VSTM1: variants seen among roughly 807,000 people sequenced by gnomAD.
VSTM1 encodes V-set and transmembrane domain containing 1.
In VSTM1, 27 loss-of-function variants were observed where a neutral mutation model predicts 33.1. The ratio of observed to expected loss-of-function variants is 0.82; its 90% CI spans 0.60 to 1.12. The LOEUF is 1.12. Among genes scored for constraint, VSTM1 ranks in the 50% most tolerant of loss-of-function variants. The probability of loss-of-function intolerance (pLI) is 0.00; values close to 1 mark genes in which losing one functional copy is unlikely to be tolerated. For synonymous variants in VSTM1, 115 were observed against 110.3 expected (o/e 1.04, Z -0.27); for missense variants, 304 against 288.9 (o/e 1.05, Z -0.38).
chr19:54,045,612 T>G (rs2070537608), intron 4 of VSTM1, among the ~76,000 whole-genome samples: 1 of 115,314 alleles, frequency 8.7e-6, no homozygotes, highest in African/African-American at 3.5e-5. Flanking sequence ...CATAACCAGT[T>G]ATCTATCATC....
In VSTM1 at chr19:54,058,413, A is replaced by C; in HGVS notation, c.248T>G (p.Phe83Cys). The change falls in exon 3 of 9, where the codon TTC (phenylalanine) becomes TGC (cysteine). Residue 83 changes from phenylalanine (F) to cysteine (C), a missense_variant. Phe to Cys is a radical substitution (Grantham distance 205). Transcript: ENST00000338372. ...AGCATCCTTAGGCTTCAGGTCCGTG[A>C]AGGGGAATTCAGCTTCGTTTTCTGC... ...SSAENEAEFP[F>C]TDLKPKDAGR... The C allele has an allele frequency of 6.2e-7, 1 of 1,614,056 alleles. No individual in the cohort carries two copies. Among genetic ancestry groups the C allele is most frequent in the Non-Finnish European group, 8.5e-7 (1 of 1,180,014 alleles).
chr19:54,063,294 C>G (rs985707375), intron 1 of VSTM1, among the ~76,000 whole-genome samples: 3 of 152,076 alleles, frequency 2.0e-5, no homozygotes, highest in African/African-American at 7.2e-5. Flanking sequence ...GCCCAGATCA[C>G]GCCATTGCAC....
rs1444342600 is a variant in VSTM1, at chr19:54,053,868, A to C, written c.356-2420T>G. Among the ~76,000 whole-genome samples, 6 of 142,120 alleles carry C rather than the reference A, an allele frequency of 4.2e-5. 1 individual carries two copies. Among genetic ancestry groups the C allele is most frequent in the East Asian group, 2.0e-4 (1 of 5,006 alleles). The allele number at this position is 142,120 out of a possible 152,430, so 93.2% of individuals were successfully genotyped here. A position where few individuals can be genotyped will look rare whatever the true frequency, so the allele number is the denominator to read the frequency against. On this transcript the variant is annotated intron_variant, in intron 3 of 8. Transcript: ENST00000338372. ...TTAATTACTCTGATAGCTTGCTCTT[A>C]TTTCTTTCTTTCTTCCAAAGAAGAA...
intron 8 of VSTM1, 125 bp downstream of exon 8, chr19:54,041,654 A>G: frequency 9.0e-7 from 1 of 1,111,204 alleles, no homozygotes. Flanking sequence ...GAGTTTCGTG[A>G]CTTGTCTAAG....
intron 4 of VSTM1, among the ~76,000 whole-genome samples, chr19:54,044,509 G>A (rs944192515): frequency 2.0e-5 from 3 of 152,200 alleles, no homozygotes; most frequent in Middle Eastern, 3.4e-3. Flanking sequence ...GCAGTGAGCC[G>A]AGATCGCATC....
intron 1 of VSTM1, among the ~76,000 whole-genome samples, chr19:54,062,498 A>G (rs2071441657): frequency 6.6e-6 from 1 of 151,978 alleles, no homozygotes; most frequent in East Asian, 1.9e-4. Context: ...TGAAGTGGGT[A>G]GATCACCTGA....
Position 54,054,534 on chromosome 19 carries a change from G to A in VSTM1, c.356-3086C>T, listed in dbSNP as rs2070991329. ...TCTACACTACACTGATGACTGTAAA[G>A]TCTCTCCAGGGATTTCCCATGATAT... On this transcript the variant is annotated intron_variant, in intron 3 of 8. Transcript: ENST00000338372. 1.4e-5 allele frequency among the ~76,000 whole-genome samples: 2 copies of A among 142,762 alleles called. 1 individual carries two copies. Among genetic ancestry groups the A allele is most frequent in the Middle Eastern group, 6.6e-3 (2 of 304 alleles). The allele number at this position is 142,762 out of a possible 152,430, so 93.7% of individuals were successfully genotyped here. A position where few individuals can be genotyped will look rare whatever the true frequency, so the allele number is the denominator to read the frequency against.
At position 54,042,393 on chromosome 19, in the gene VSTM1, G is replaced by A. The variant is rs1204733035; in HGVS notation, c.395-24C>T. 4.3e-6 allele frequency: 7 copies of A among 1,609,372 alleles called. No homozygotes were observed. The South Asian group carries it at 4.4e-5, about 10-fold the overall frequency. The stretch of plus-strand genomic sequence containing the variant: ...GTCTGGAGGGGGAAGAGCAGGTCAG[G>A]GAATCAGCCTGGCTCCTGAAATCCA... On this transcript the variant is annotated intron_variant, in intron 4 of 8. Coordinates refer to ENST00000338372, the MANE Select transcript of VSTM1 (RefSeq NM_198481.4).
intron 4 of VSTM1, among the ~76,000 whole-genome samples, chr19:54,044,847 T>TC (rs1206672627): frequency 4.0e-5 from 6 of 151,772 alleles, no homozygotes; most frequent in Middle Eastern, 3.2e-3. Context: ...TCCATGCAGT[T>TC]CCCCCCCGTT....
At chr19:54,042,110 T>C in intron 6 of VSTM1, 59 bp downstream of exon 6, 1 of 1,598,652 alleles carries the variant, frequency 6.3e-7, no homozygotes, top group Non-Finnish European at 8.5e-7. Context: ...GATGTGCCAA[T>C]GGGTTCCCTT....
At chr19:54,052,981 CAAAAAA>C (rs34017003) in intron 3 of VSTM1, 39 of 50,818 alleles carry the variant, frequency 7.7e-4, no homozygotes, top group South Asian at 5.7e-3. Flanking sequence ...GACCCTGTCT[CAAAAAA>C]AAAAAAAAAA....
chr19:54,047,227 GTCACTT>G (rs2070637405), intron 4 of VSTM1, among the ~76,000 whole-genome samples: 1 of 151,836 alleles, frequency 6.6e-6, no homozygotes, highest in Admixed American at 6.6e-5. Context: ...AAAATAAAAC[GTCACTT>G]TCACACTAAT....
chr19:54,051,028 T>G (rs1176063081), intron 4 of VSTM1, among the ~76,000 whole-genome samples: 6 of 151,000 alleles, frequency 4.0e-5, no homozygotes, highest in Non-Finnish European at 7.4e-5. Flanking sequence ...GTGCGGTGGC[T>G]CACGCCTGTA....
chr19:54,043,937 G>C (rs2070446573), intron 4 of VSTM1, among the ~76,000 whole-genome samples: 1 of 152,000 alleles, frequency 6.6e-6, no homozygotes, highest in Admixed American at 6.6e-5. Flanking sequence ...GCCAATCCCA[G>C]ATGTGCCAAT....
intron 4 of VSTM1, among the ~76,000 whole-genome samples, chr19:54,047,086 T>G (rs890782538): frequency 2.0e-5 from 3 of 151,934 alleles, no homozygotes; most frequent in African/African-American, 4.8e-5. Flanking sequence ...TCCCAGCTAT[T>G]TGGGAGGCTG....
chr19:54,042,806 G>GTA (rs1203522841), intron 4 of VSTM1, among the ~76,000 whole-genome samples: 3,032 of 57,556 alleles, frequency 0.053, 94 homozygotes, highest in South Asian at 0.1. Context: ...ATATAAATGT[G>GTA]TATATATATA....
chr19:54,043,601 G>A (rs891778757), intron 4 of VSTM1, among the ~76,000 whole-genome samples: 7 of 151,890 alleles, frequency 4.6e-5, no homozygotes, highest in African/African-American at 9.7e-5. Context: ...TAGTAGAGAC[G>A]GGGTTTCGCC....
rs2071519113 is a variant in VSTM1 at position 54,063,847 on chromosome 19, CG to C, written c.-71del. 1.9e-6 allele frequency: 3 copies of C among 1,562,362 alleles called. No individual in the cohort carries two copies. The East Asian group carries it at 7.1e-5, about 37-fold the overall frequency. ...CTTCAAAGGCGGAGCGGGACTGGGC[CG>C]GCCGCAGCTCTCCGGCTGCCCGGTT... is the stretch of plus-strand genomic sequence containing the variant. On this transcript the variant is annotated 5_prime_UTR_variant, in exon 1 of 9. Transcript: ENST00000338372.
Position 54,042,841 on chromosome 19 carries a change from T to TATATAC in VSTM1, c.395-473_395-472insGTATAT, listed in dbSNP as rs1555752726. On this transcript the variant is annotated intron_variant, in intron 4 of 8. Coordinates refer to ENST00000338372, the MANE Select transcript of VSTM1 (RefSeq NM_198481.4). ...ATATATATATATATATATATATACA[T>TATATAC]ATATATATATATATACACACTTTTT... is the stretch of plus-strand genomic sequence containing the variant. Among the ~76,000 whole-genome samples, 508 of 96,162 alleles carry TATATAC rather than the reference T, an allele frequency of 5.3e-3. 2 individuals carry two copies. The highest frequency in any genetic ancestry group is 8.0e-3 in the Non-Finnish European group (364 of 45,378). 63.1% of individuals were successfully genotyped at this position (96,162 alleles called of 152,430 possible).
Sources: gnomAD v4.1 joint callset for allele counts (sites outside exome capture counted in the v4.1 genomes callset) on GRCh38, gnomAD v4.1.1 for gene constraint, MANE v1.5 for transcripts, NCBI Gene and HGNC (gene_info 2026-07-23, HGNC 2026-07-21) for gene names.